Variants in PLXNA4 observed in about 807,000 individuals in gnomAD.
PLXNA4 encodes the protein plexin-A4.
PLXNA4 carries 44 observed loss-of-function variants against 191.8 expected under a neutral mutation model. The ratio of observed to expected loss-of-function variants is 0.23; its 90% CI spans 0.18 to 0.29. The LOEUF (loss-of-function observed/expected upper bound fraction) is 0.29, where lower values mean the gene tolerates loss of function less well. PLXNA4 is among the 10% of genes least tolerant of loss of function. PLXNA4 has a pLI of 1.00. For synonymous variants in PLXNA4, 1,082 were observed against 1,009.5 expected (o/e 1.07, Z -1.36); for missense variants, 1,800 against 2,488.8 (o/e 0.72, Z 5.89).
At chr7:132,601,928 G>A (rs939634650) in intron 2 of PLXNA4, among the ~76,000 whole-genome samples, 7 of 152,222 alleles carry the variant, frequency 4.6e-5, no homozygotes, top group African/African-American at 1.7e-4. Flanking sequence ...GAAAAGCAAT[G>A]TGGGAGCTGA....
chr7:132,185,502 TGAG>T, intron 15 of PLXNA4, 39 bp from the exon 16 acceptor site: 2 of 1,588,996 alleles, frequency 1.3e-6, no homozygotes, highest in South Asian at 1.2e-5. Flanking sequence ...CGCCTGGTGT[TGAG>T]GAGGACAGAG....
chr7:132,372,845 G>T (rs1804500714), intron 3 of PLXNA4, among the ~76,000 whole-genome samples: 7 of 152,328 alleles, frequency 4.6e-5, no homozygotes, highest in Admixed American at 2.6e-4. Context: ...AATAAGGAAA[G>T]TTGAGAGGCT....
At chr7:132,152,102 C>A (rs142518433) in intron 25 of PLXNA4, among the ~76,000 whole-genome samples, 2 of 152,174 alleles carry the variant, frequency 1.3e-5, no homozygotes, top group African/African-American at 2.4e-5. Flanking sequence ...CTTTCTGGAG[C>A]GCTCTTGCAC....
At chr7:132,151,367 G>GA in intron 25 of PLXNA4, among the ~76,000 whole-genome samples, 2 of 114,384 alleles carry the variant, frequency 1.7e-5, no homozygotes, top group African/African-American at 5.8e-5. Flanking sequence ...GGAGGAGGAG[G>GA]AGAAAGGAGG....
intron 25 of PLXNA4, among the ~76,000 whole-genome samples, chr7:132,153,986 A>G (rs1795719850): frequency 6.6e-6 from 1 of 152,208 alleles, no homozygotes; most frequent in Non-Finnish European, 1.5e-5. Flanking sequence ...GGGTGGAAGG[A>G]GCCACTAACC....
At chr7:132,349,478 T>A (rs1293603313) in intron 3 of PLXNA4, among the ~76,000 whole-genome samples, 1 of 152,198 alleles carries the variant, frequency 6.6e-6, no homozygotes, top group East Asian at 1.9e-4. Context: ...GCAGCATTTT[T>A]GTGCTGGACA....
rs1357476064 is a variant in PLXNA4 at position 132,198,548 on chromosome 7, G to A, written c.2675C>T (p.Ser892Phe). The A allele has an allele frequency of 3.7e-6, 6 of 1,614,252 alleles. No homozygotes were observed. In the South Asian group the frequency reaches 6.6e-5, roughly 18 times the overall value. The change falls in exon 13 of 32, where the codon TCC (serine) becomes TTC (phenylalanine). Residue 892 changes from serine to phenylalanine, a missense_variant. Ser to Phe is a radical substitution (Grantham distance 155, BLOSUM62 -2). Around this residue, in one of 6 missense-constraint regions of PLXNA4, gnomAD observed 1,397 missense variants for 1,880.4 expected, o/e 0.74. Transcript: ENST00000321063. ...NLGLEFRDIA[S>F]HVKVAGVECS... ...CTCCACGCCAGCAACCTTGACATGG[G>A]AGGCGATGTCGCGAAATTCCAGGCC...
intron 4 of PLXNA4, among the ~76,000 whole-genome samples, chr7:132,268,614 G>C (rs778535010): frequency 6.6e-6 from 1 of 152,198 alleles, no homozygotes; most frequent in Non-Finnish European, 1.5e-5. Flanking sequence ...AGGCTGCTAA[G>C]AGAGAGAGCT....
intron 3 of PLXNA4, among the ~76,000 whole-genome samples, chr7:132,389,688 A>C (rs1805316954): frequency 6.6e-6 from 1 of 152,184 alleles, no homozygotes; most frequent in Non-Finnish European, 1.5e-5. Context: ...GTATAGTTTG[A>C]AGTCAGGTAG....
At chr7:132,182,245 G>A (rs1437493735) in intron 16 of PLXNA4, 55 bp from the exon 17 acceptor site, 2 of 1,601,990 alleles carry the variant, frequency 1.2e-6, no homozygotes, top group African/African-American at 1.3e-5. Flanking sequence ...AAGAGCAATG[G>A]CACTCTACAA....
chr7:132,544,272 G>A (rs781614072), intron 1 of PLXNA4, among the ~76,000 whole-genome samples: 5 of 152,184 alleles, frequency 3.3e-5, no homozygotes, highest in Admixed American at 6.5e-5. Context: ...CCCTCCCAGA[G>A]GAGAGATGAT....
At chr7:132,504,403 C>A (rs73158861) in intron 2 of PLXNA4, among the ~76,000 whole-genome samples, 9 of 152,072 alleles carry the variant, frequency 5.9e-5, no homozygotes, top group Non-Finnish European at 1.2e-4. Context: ...TTGCGGATCC[C>A]GGCTCTGAGT....
intron 2 of PLXNA4, among the ~76,000 whole-genome samples, chr7:132,593,697 G>A (rs918523073): frequency 9.2e-5 from 14 of 152,318 alleles, no homozygotes; most frequent in African/African-American, 1.4e-4. Context: ...AGCCTAAGGC[G>A]TATATCCACA....
chr7:132,428,391 C>T (rs879439782), intron 3 of PLXNA4, among the ~76,000 whole-genome samples: 9 of 152,228 alleles, frequency 5.9e-5, no homozygotes, highest in Admixed American at 5.9e-4. Flanking sequence ...AATTTTTGTT[C>T]TGTTAAGAAA....
At chr7:132,607,587 C>T (rs967167763) in intron 2 of PLXNA4, among the ~76,000 whole-genome samples, 41 of 152,358 alleles carry the variant, frequency 2.7e-4, no homozygotes, top group African/African-American at 9.4e-4. Flanking sequence ...TTATGAGGGG[C>T]TATGAGAGCA....
At chr7:132,257,856 T>G (rs1224510136) in intron 4 of PLXNA4, among the ~76,000 whole-genome samples, 1 of 152,214 alleles carries the variant, frequency 6.6e-6, no homozygotes, top group Non-Finnish European at 1.5e-5. Context: ...GCAGAATGTC[T>G]GTAGATGGAG....
intron 30 of PLXNA4, among the ~76,000 whole-genome samples, chr7:132,139,727 G>A (rs1795210512): frequency 6.6e-6 from 1 of 152,174 alleles, no homozygotes; most frequent in Non-Finnish European, 1.5e-5. Context: ...AGGTTATTTG[G>A]GAGTCAGCTA....
intron 9 of PLXNA4, among the ~76,000 whole-genome samples, chr7:132,215,242 C>T (rs1484224374): frequency 6.6e-6 from 1 of 152,198 alleles, no homozygotes; most frequent in Non-Finnish European, 1.5e-5. Context: ...TGAACAGCAG[C>T]CTCCACTTCT....
At chr7:132,544,145 A>T (rs1800196677) in intron 1 of PLXNA4, among the ~76,000 whole-genome samples, 1 of 152,236 alleles carries the variant, frequency 6.6e-6, no homozygotes, top group Non-Finnish European at 1.5e-5. Context: ...AGCTCAGACA[A>T]GGGAAAGAGA....
Sources: gnomAD v4.1 joint callset for allele counts (sites outside exome capture counted in the v4.1 genomes callset) on GRCh38, gnomAD v4.1.1 for gene constraint, gnomAD v4.1.1 regional missense constraint, MANE v1.5 for transcripts, NCBI Gene and HGNC (gene_info 2026-07-23, HGNC 2026-07-21) for gene names.